SYT7: variants seen among roughly 807,000 people sequenced by gnomAD.
SYT7 encodes the protein synaptotagmin 7, also known as synaptotagmin-7.
A neutral mutation model predicts 75.1 loss-of-function variants in SYT7; 29 were observed. The ratio of observed to expected loss-of-function variants is 0.39; its 90% CI spans 0.29 to 0.53. The LOEUF is 0.53. Ranked by LOEUF, SYT7 falls within the 20% of genes least tolerant of loss-of-function variation. SYT7 has a pLI of 0.77. For synonymous variants in SYT7, 376 were observed against 401.7 expected (o/e 0.94, Z 0.76); for missense variants, 693 against 953.2 (o/e 0.73, Z 3.59).
intron 8 of SYT7, among the ~76,000 whole-genome samples, chr11:61,529,086 A>AG (rs1309935077): frequency 6.6e-6 from 1 of 151,958 alleles, no homozygotes; most frequent in Non-Finnish European, 1.5e-5. Context: ...CCCACCCCCC[A>AG]GCCGCCTGAG....
chr11:61,530,496 G>C (rs1048754217), intron 8 of SYT7, among the ~76,000 whole-genome samples: 1 of 152,126 alleles, frequency 6.6e-6, no homozygotes, highest in Non-Finnish European at 1.5e-5. Context: ...CCTACTTTGC[G>C]GGGTCCTGGG....
chr11:61,549,115 CCT>C (rs2063275391), intron 3 of SYT7, among the ~76,000 whole-genome samples: 1 of 152,138 alleles, frequency 6.6e-6, no homozygotes, highest in Admixed American at 6.5e-5. Flanking sequence ...CAGGTAGCAG[CCT>C]CTCTTTCCCG....
In SYT7 at chr11:61,524,970, G is replaced by A. The variant is rs780888410; in HGVS notation, c.1472-438C>T. Among the ~76,000 whole-genome samples the A allele has an allele frequency of 6.6e-6, 1 of 152,230 alleles. No individual in the cohort carries two copies. The highest frequency in any genetic ancestry group is 1.5e-5 in the Non-Finnish European group (1 of 68,026). On this transcript the variant is annotated intron_variant, in intron 9 of 12. Coordinates refer to ENST00000539008, the MANE Select transcript of SYT7 (RefSeq NM_001365809.2). The surrounding 1 kb of genome is among the most constrained non-coding windows in gnomAD (Gnocchi z 4.1). The stretch of plus-strand genomic sequence containing the variant: ...CAGTACGCAGGCCCCAGGACTCAGG[G>A]CAGAGGGACATGGGGAAGCATCGGT...
chr11:61,532,445 C>T (rs911747402), intron 8 of SYT7, among the ~76,000 whole-genome samples: 91 of 152,248 alleles, frequency 6.0e-4, no homozygotes, highest in Non-Finnish European at 9.3e-4. Context: ...TGGACAGGAG[C>T]CCCCATCACA....
At chr11:61,521,083 G>C (rs1418412337) in intron 12 of SYT7, among the ~76,000 whole-genome samples, 1 of 152,178 alleles carries the variant, frequency 6.6e-6, no homozygotes, top group Non-Finnish European at 1.5e-5. Flanking sequence ...GGAGCTCTAG[G>C]GCCACTGTGG....
intron 1 of SYT7, among the ~76,000 whole-genome samples, chr11:61,562,535 G>T (rs1157742059): frequency 6.6e-6 from 1 of 152,232 alleles, no homozygotes; most frequent in African/African-American, 2.4e-5. Flanking sequence ...CCCTGGATTA[G>T]TGATATCTGG....
chr11:61,558,796 G>T (rs901878040), intron 1 of SYT7, among the ~76,000 whole-genome samples: 3 of 152,094 alleles, frequency 2.0e-5, no homozygotes, highest in Admixed American at 2.0e-4. Flanking sequence ...AGGCTGGAGT[G>T]CAGTGGCATG....
At chr11:61,558,852 C>T (rs2063570196) in intron 1 of SYT7, among the ~76,000 whole-genome samples, 1 of 152,188 alleles carries the variant, frequency 6.6e-6, no homozygotes, top group Admixed American at 6.5e-5. Flanking sequence ...AAGCAATTCT[C>T]CTGCCTCAGC....
chr11:61,531,420 C>T (rs1269259194), intron 8 of SYT7, among the ~76,000 whole-genome samples: 3 of 152,018 alleles, frequency 2.0e-5, no homozygotes, highest in African/African-American at 7.3e-5. Context: ...GTGGCAATGG[C>T]CCATCCAGAA....
At chr11:61,538,389 A>AGAGAGAC in intron 6 of SYT7, 123 bp from the exon 7 acceptor site, 1 of 252,442 alleles carries the variant, frequency 4.0e-6, no homozygotes, top group Non-Finnish European at 6.4e-6. Context: ...GAGAGAGAGA[A>AGAGAGAC]AGAGAGAGAG....
chr11:61,566,626 A>AAGC (rs1300041091), intron 1 of SYT7, among the ~76,000 whole-genome samples: 5 of 152,196 alleles, frequency 3.3e-5, no homozygotes, highest in Admixed American at 1.3e-4. Context: ...GAGCCCAAGA[A>AAGC]AGGAGGGGCT....
In SYT7 at chr11:61,546,223, G is replaced by GCGGCCA. The variant is rs765813362; in HGVS notation, c.374_379dup (p.Val125_Ala126dup). 11 of 1,466,336 alleles carry GCGGCCA rather than the reference G, an allele frequency of 7.5e-6. 1 individual carries two copies. The South Asian group carries it at 1.5e-4, about 20-fold the overall frequency. 90.8% of individuals were successfully genotyped at this position (1,466,336 alleles called of 1,614,324 possible). ...CCGCTCCACCGCCAGCCCCGCCGCG[G>GCGGCCA]CGGCCACTTTGGCGCCCGACAGGAG... On this transcript the variant is annotated inframe_insertion, in exon 5 of 13. Coordinates refer to ENST00000539008, the MANE Select transcript of SYT7 (RefSeq NM_001365809.2). This position sits in a 1 kb window ranked among gnomAD's most constrained non-coding sequence, Gnocchi z 7.6.
At chr11:61,572,124 G>A (rs571252409) in intron 1 of SYT7, among the ~76,000 whole-genome samples, 1 of 152,280 alleles carries the variant, frequency 6.6e-6, no homozygotes, top group East Asian at 1.9e-4. Flanking sequence ...GTTGGGGGGG[G>A]GGCACACAGA....
At chr11:61,573,370 T>C (rs962773083) in intron 1 of SYT7, among the ~76,000 whole-genome samples, 1 of 152,138 alleles carries the variant, frequency 6.6e-6, no homozygotes, top group African/African-American at 2.4e-5. Flanking sequence ...GCTACCCCCT[T>C]ACTGCCTATA....
Position 61,542,109 on chromosome 11 carries a change from A to G in SYT7, c.941+102T>C. ...GCTTGGCACCCTGCCAAGGGGATGG[A>G]GGGCCGGGAGGTACACACAACCAGC... On this transcript the variant is annotated intron_variant, in intron 6 of 12. Coordinates refer to ENST00000539008, the MANE Select transcript of SYT7 (RefSeq NM_001365809.2). This position sits in a 1 kb window ranked among gnomAD's most constrained non-coding sequence, Gnocchi z 7.8. The G allele has an allele frequency of 7.1e-7, 1 of 1,414,150 alleles. No individual in the cohort carries two copies. The highest frequency in any genetic ancestry group is 9.3e-7 in the Non-Finnish European group (1 of 1,076,906). 87.6% of individuals were successfully genotyped at this position (1,414,150 alleles called of 1,614,324 possible). A position where few individuals can be genotyped will look rare whatever the true frequency, so the allele number is the denominator to read the frequency against.
intron 1 of SYT7, among the ~76,000 whole-genome samples, chr11:61,571,783 C>G (rs2063928103): frequency 6.6e-6 from 1 of 152,198 alleles, no homozygotes; most frequent in African/African-American, 2.4e-5. Context: ...CTATCTGAGA[C>G]TAAGCCCTCC....
At position 61,581,016 on chromosome 11, in the gene SYT7, C is replaced by CGCT. The variant is rs1195421976; in HGVS notation, c.-199_-197dup. On this transcript the variant is annotated 5_prime_UTR_variant, in exon 1 of 13. Transcript: ENST00000539008. ...AGCCCTCCCGCCCGCCCGCGGAGCA[C>CGCT]GCTGCCGCCGCCGCCGAACAGCGCC... 1.1e-6 allele frequency: 1 copy of CGCT among 911,024 alleles called. No individual in the cohort carries two copies. Among genetic ancestry groups the CGCT allele is most frequent in the African/African-American group, 1.8e-5 (1 of 55,332 alleles). 56.4% of individuals were successfully genotyped at this position (911,024 alleles called of 1,614,324 possible). A position where few individuals can be genotyped will look rare whatever the true frequency, so the allele number is the denominator to read the frequency against.
Position 61,580,895 on chromosome 11 carries a change from G to T in SYT7, c.-75C>A, listed in dbSNP as rs2943804. 19,830 of 1,121,002 alleles carry T rather than the reference G, an allele frequency of 0.018. 2,043 individuals are homozygous for T. In the African/African-American group the frequency reaches 0.25, roughly 14 times the overall value. The allele number at this position is 1,121,002 out of a possible 1,614,324, so 69.4% of individuals were successfully genotyped here. ...CGCGCGCTGCTCCGCCGCCGCCGCTGGGCATGGGGCCGGGCGACCCCCGGG... is the reference window on the plus strand; with the variant it reads ...CGCGCGCTGCTCCGCCGCCGCCGCTTGGCATGGGGCCGGGCGACCCCCGGG... On this transcript the variant is annotated 5_prime_UTR_variant, in exon 1 of 13. Transcript: ENST00000539008. The surrounding 1 kb of genome is among the most constrained non-coding windows in gnomAD (Gnocchi z 6.1).
At chr11:61,544,133 C>G (rs1398067023) in intron 5 of SYT7, among the ~76,000 whole-genome samples, 1 of 152,196 alleles carries the variant, frequency 6.6e-6, no homozygotes, top group Non-Finnish European at 1.5e-5. Flanking sequence ...GCTTATAAAG[C>G]CTAAATATTT....
Sources: allele counts gnomAD v4.1 joint callset (sites outside exome capture counted in the v4.1 genomes callset), GRCh38; gene constraint gnomAD v4.1.1; non-coding constraint Gnocchi (gnomAD v3.1); transcripts MANE v1.5; gene names NCBI Gene and HGNC (gene_info 2026-07-23, HGNC 2026-07-21).